The following PLEKHG7 variants were observed in gnomAD, a reference collection of about 807,000 sequenced individuals.
The protein encoded by PLEKHG7 is pleckstrin homology and RhoGEF domain containing G7.
Under a neutral mutation model 85.2 loss-of-function variants are expected in PLEKHG7, and 77 were observed. That is an observed-to-expected ratio of 0.90 (90% confidence interval 0.75 to 1.09). The LOEUF is 1.09. PLEKHG7 is among the 50% of genes least tolerant of loss of function. PLEKHG7 has a pLI of 0.00. For missense variants in PLEKHG7, 777 were observed against 804.3 expected (o/e 0.97, Z 0.41); for synonymous variants, 301 against 302.4 (o/e 1.00, Z 0.05).
chr12:92,715,037 T>C (rs1352930656), intron 3 of PLEKHG7, among the ~76,000 whole-genome samples: 1 of 151,638 alleles, frequency 6.6e-6, no homozygotes, highest in African/African-American at 2.4e-5. Flanking sequence ...GATAGATAGA[T>C]AGATAGATAG....
chr12:92,769,439 T>C (rs1029650348), intron 16 of PLEKHG7, among the ~76,000 whole-genome samples: 1 of 152,148 alleles, frequency 6.6e-6, no homozygotes, highest in African/African-American at 2.4e-5. Context: ...ACCTTTAAGA[T>C]GCTCCAATCA....
intron 3 of PLEKHG7, among the ~76,000 whole-genome samples, chr12:92,717,153 T>C (rs1321386930): frequency 6.6e-6 from 1 of 152,196 alleles, no homozygotes; most frequent in Non-Finnish European, 1.5e-5. Flanking sequence ...GAAACGTACA[T>C]GCTACATTTC....
At chr12:92,751,370 A>G (rs181104183) in intron 10 of PLEKHG7, among the ~76,000 whole-genome samples, 2 of 152,116 alleles carry the variant, frequency 1.3e-5, no homozygotes, top group East Asian at 1.9e-4. Flanking sequence ...AGGGGAGAGG[A>G]GAAGATTGAA....
intron 11 of PLEKHG7, among the ~76,000 whole-genome samples, chr12:92,754,483 T>C (rs1488459412): frequency 6.6e-6 from 1 of 152,214 alleles, no homozygotes; most frequent in Non-Finnish European, 1.5e-5. Flanking sequence ...GCACCAAGTT[T>C]ACACAGGATG....
intron 3 of PLEKHG7, chr12:92,708,669 C>T (rs1346219108): frequency 6.6e-6 from 1 of 152,118 alleles, no homozygotes; most frequent in Non-Finnish European, 1.5e-5. Context: ...CAAAGGGCTC[C>T]CATGGGTCCA....
chr12:92,742,127 C>A (rs1027009584), intron 9 of PLEKHG7, among the ~76,000 whole-genome samples: 4 of 152,128 alleles, frequency 2.6e-5, no homozygotes, highest in Non-Finnish European at 4.4e-5. Flanking sequence ...TAATTTTAAT[C>A]TAATTTCATT....
chr12:92,733,364 G>C (rs974165481), intron 5 of PLEKHG7, among the ~76,000 whole-genome samples: 1 of 152,178 alleles, frequency 6.6e-6, no homozygotes, highest in African/African-American at 2.4e-5. Flanking sequence ...TCTTTAATTA[G>C]GGTTTGGAAA....
intron 13 of PLEKHG7, 122 bp from the exon 14 acceptor site, chr12:92,761,628 AAG>A (rs1219998879): frequency 1.1e-4 from 12 of 104,718 alleles, no homozygotes; most frequent in African/African-American, 7.0e-4. Context: ...AGAAAGAAGA[AAG>A]AAAGAAAGAA....
rs566094542 is a variant in PLEKHG7, at chr12:92,770,473, G to C, written c.*278G>C. 1 of 318,386 alleles carries C rather than the reference G, an allele frequency of 3.1e-6. No individual in the cohort carries two copies. The highest frequency in any genetic ancestry group is 8.2e-5 in the East Asian group (1 of 12,198). The allele number at this position is 318,386 out of a possible 1,614,324, so 19.7% of individuals were successfully genotyped here. A position where few individuals can be genotyped will look rare whatever the true frequency, so the allele number is the denominator to read the frequency against. ...TTTGTAAGAGGTGTGAGTGAAGAAA[G>C]GTGCTAATTTGTAAAGGGTGAATGA... On this transcript the variant is annotated 3_prime_UTR_variant, in exon 17 of 17. Coordinates refer to ENST00000344636, the MANE Select transcript of PLEKHG7 (RefSeq NM_001377329.1).
chr12:92,741,539 G>A lies in PLEKHG7; in HGVS notation c.1084G>A (p.Val362Ile), dbSNP rs764250247. The A allele has an allele frequency of 6.2e-7, 1 of 1,613,614 alleles. No homozygotes were observed. The highest frequency in any genetic ancestry group is 8.5e-7 in the Non-Finnish European group (1 of 1,179,800). ...TCTCTTTGGCATCATCAAGGACTAT[G>A]TAGACGCTTCTGAGATTTCCTCATC... ...NSLFGIIKDY[V>I]DASEISSSLD... Residue 362 changes from valine to isoleucine, a missense_variant, in exon 9 of 17, where the codon GTA becomes ATA. Val to Ile is a conservative substitution (Grantham distance 29). This residue lies in a region of PLEKHG7 where 520 missense variants were observed against 544.0 expected (regional missense o/e 0.96). Coordinates refer to ENST00000344636, the MANE Select transcript of PLEKHG7 (RefSeq NM_001377329.1).
chr12:92,729,402 G>A (rs17020637), intron 4 of PLEKHG7, among the ~76,000 whole-genome samples: 4,626 of 148,914 alleles, frequency 0.031, 246 homozygotes, highest in African/African-American at 0.11. Flanking sequence ...CCCAAGACCT[G>A]AGACAGGTGC....
intron 3 of PLEKHG7, among the ~76,000 whole-genome samples, chr12:92,712,558 A>G (rs774635230): frequency 1.2e-4 from 18 of 152,220 alleles, no homozygotes; most frequent in Non-Finnish European, 2.2e-4. Context: ...TTGAACAGGG[A>G]TGTGGTGGGA....
In PLEKHG7 at chr12:92,737,444, A is replaced by C. The variant is rs1872190601; in HGVS notation, c.862A>C (p.Lys288Gln). 1 of 1,583,466 alleles carries C rather than the reference A, an allele frequency of 6.3e-7. No individual in the cohort carries two copies. Among genetic ancestry groups the C allele is most frequent in the African/African-American group, 1.4e-5 (1 of 72,928 alleles). ...CCCGACCGATCAATTAGACCTGAAA[A>C]AGCAGCAAGAGGCCGTGTGGGAACT... The part of the protein sequence containing the change: ...KLPTDQLDLK[K>Q]QQEAVWELFT... Residue 288 changes from lysine to glutamine, a missense_variant, in exon 7 of 17, where the codon AAG becomes CAG. By Grantham distance (53) the Lys-to-Gln change is moderately conservative. Coordinates refer to ENST00000344636, the MANE Select transcript of PLEKHG7 (RefSeq NM_001377329.1).
intron 3 of PLEKHG7, among the ~76,000 whole-genome samples, chr12:92,709,594 G>A (rs1565785974): frequency 6.6e-6 from 1 of 152,180 alleles, no homozygotes; most frequent in Non-Finnish European, 1.5e-5. Flanking sequence ...TAAAGTCTGG[G>A]TCCAGCTCTG....
chr12:92,760,518 A>AAT (rs145145357), intron 13 of PLEKHG7, among the ~76,000 whole-genome samples: 5 of 151,638 alleles, frequency 3.3e-5, no homozygotes, highest in Non-Finnish European at 7.4e-5. Flanking sequence ...CTTCTAGAAC[A>AAT]ATATATATAT....
At chr12:92,738,941 G>A (rs74820613) in intron 7 of PLEKHG7, among the ~76,000 whole-genome samples, 4,660 of 152,314 alleles carry the variant, frequency 0.031, 239 homozygotes, top group African/African-American at 0.1. Flanking sequence ...ACAAGAGCAC[G>A]TAATAGAAAA....
chr12:92,743,751 G>T (rs1017656929), intron 9 of PLEKHG7, among the ~76,000 whole-genome samples: 1 of 152,108 alleles, frequency 6.6e-6, no homozygotes, highest in African/African-American at 2.4e-5. Context: ...GTAGAAACGG[G>T]GTTTCATCAT....
chr12:92,707,207 T>C, intron 2 of PLEKHG7, 69 bp downstream of exon 2: 1 of 1,527,022 alleles, frequency 6.5e-7, no homozygotes, highest in African/African-American at 1.4e-5. Context: ...TCAGAGTTGC[T>C]TAGTTCCCCC....
At chr12:92,735,875 A>G (rs1457891485) in intron 5 of PLEKHG7, among the ~76,000 whole-genome samples, 1 of 152,174 alleles carries the variant, frequency 6.6e-6, no homozygotes, top group Admixed American at 6.5e-5. Flanking sequence ...CAAATTTTCT[A>G]CAATAAACAT....
Sources: allele counts gnomAD v4.1 joint callset (sites outside exome capture counted in the v4.1 genomes callset), GRCh38; gene constraint gnomAD v4.1.1; regional missense constraint gnomAD v4.1.1; transcripts MANE v1.5; gene names NCBI Gene and HGNC (gene_info 2026-07-23, HGNC 2026-07-21).